The following PPIL6 variants were observed in gnomAD, a reference collection of about 807,000 sequenced individuals.
PPIL6 encodes the protein probable inactive peptidyl-prolyl cis-trans isomerase-like 6.
PPIL6 carries 39 observed loss-of-function variants against 36.8 expected under a neutral mutation model. The ratio of observed to expected loss-of-function variants is 1.06; its 90% confidence interval spans 0.82 to 1.38. The LOEUF (loss-of-function observed/expected upper bound fraction) is 1.38. Among genes scored for constraint, PPIL6 ranks in the 40% most tolerant of loss-of-function variants. PPIL6 has a pLI of 0.00. For missense variants in PPIL6, 368 were observed against 379.1 expected (o/e 0.97, Z 0.24); for synonymous variants, 123 against 134.1 (o/e 0.92, Z 0.57).
intron 3 of PPIL6, 124 bp from the exon 4 acceptor site, chr6:109,427,280 G>T: frequency 3.4e-6 from 2 of 590,062 alleles, no homozygotes; most frequent in Non-Finnish European, 6.0e-6. Context: ...ATTACCAATG[G>T]ATAATATTAC....
chr6:109,438,226 C>T (rs935274990), intron 1 of PPIL6, among the ~76,000 whole-genome samples: 1 of 151,908 alleles, frequency 6.6e-6, no homozygotes, highest in East Asian at 1.9e-4. Context: ...GTTAATCAGG[C>T]ATCTGGGATC....
At chr6:109,438,454 G>C (rs1774580207) in intron 1 of PPIL6, among the ~76,000 whole-genome samples, 1 of 151,842 alleles carries the variant, frequency 6.6e-6, no homozygotes, top group Non-Finnish European at 1.5e-5. Flanking sequence ...TTTCATATTT[G>C]AATATAACTA....
At chr6:109,409,241 A>C (rs1772915715) in intron 6 of PPIL6, among the ~76,000 whole-genome samples, 2 of 152,178 alleles carry the variant, frequency 1.3e-5, no homozygotes, top group African/African-American at 4.8e-5. Flanking sequence ...AGACAAGAGA[A>C]AGAAATAAAG....
intron 6 of PPIL6, among the ~76,000 whole-genome samples, chr6:109,407,958 G>A (rs1041536530): frequency 2.0e-5 from 3 of 152,084 alleles, no homozygotes; most frequent in Non-Finnish European, 2.9e-5. Flanking sequence ...CACACCTGGC[G>A]TACTCCTCAC....
At chr6:109,422,382 A>G (rs1773595801) in intron 5 of PPIL6, among the ~76,000 whole-genome samples, 1 of 152,152 alleles carries the variant, frequency 6.6e-6, no homozygotes, top group Non-Finnish European at 1.5e-5. Context: ...GTTTGAGTCC[A>G]GGAGTTCAGG....
chr6:109,429,905 T>C (rs1774039179), intron 3 of PPIL6, among the ~76,000 whole-genome samples: 1 of 152,196 alleles, frequency 6.6e-6, no homozygotes, highest in Non-Finnish European at 1.5e-5. Flanking sequence ...GCACCAAGAA[T>C]CTTGACTGAA....
chr6:109,425,964 T>G (rs1773796463), intron 5 of PPIL6, among the ~76,000 whole-genome samples: 3 of 152,140 alleles, frequency 2.0e-5, no homozygotes, highest in Non-Finnish European at 4.4e-5. Context: ...ATGCTAAACA[T>G]TTTGTATGTT....
chr6:109,394,439 G>C (rs1772217002), intron 7 of PPIL6, among the ~76,000 whole-genome samples: 1 of 149,336 alleles, frequency 6.7e-6, no homozygotes, highest in Non-Finnish European at 1.5e-5. Context: ...CCATGAGCTA[G>C]AACTTCCTGG....
At position 109,419,240 on chromosome 6, in the gene PPIL6, A is replaced by G. The variant is rs767920318; in HGVS notation, c.635T>C (p.Ile212Thr). 2.0e-6 allele frequency: 3 copies of G among 1,532,662 alleles called. No homozygotes were observed. The highest frequency in any genetic ancestry group is 2.2e-5 in the South Asian group (2 of 88,990). The allele number at this position is 1,532,662 out of a possible 1,614,324, so 94.9% of individuals were successfully genotyped here. Residue 212 changes from isoleucine (I) to threonine (T), a missense_variant, in exon 6 of 8, where the codon ATA becomes ACA. Physicochemically the swap from Ile to Thr is moderately conservative, Grantham distance 89. Coordinates refer to ENST00000521072, the MANE Select transcript of PPIL6 (RefSeq NM_173672.5). Reference protein sequence around the residue: ...VQNGWIQGGDIVYGKGDNGES... With the variant: ...VQNGWIQGGDTVYGKGDNGES... ...TCCATTATCTCCTTTTCCATACACTATATCTGAGAAATAGCAACAAATAAA... is the reference window on the plus strand; with the variant it reads ...TCCATTATCTCCTTTTCCATACACTGTATCTGAGAAATAGCAACAAATAAA...
At chr6:109,427,540 C>T (rs1449010588) in intron 3 of PPIL6, among the ~76,000 whole-genome samples, 1 of 152,062 alleles carries the variant, frequency 6.6e-6, no homozygotes, top group Non-Finnish European at 1.5e-5. Context: ...TGCACCACCA[C>T]CAGGCCCAGC....
At chr6:109,403,885 C>T (rs1370068363) in intron 6 of PPIL6, among the ~76,000 whole-genome samples, 1 of 152,146 alleles carries the variant, frequency 6.6e-6, no homozygotes, top group Non-Finnish European at 1.5e-5. Flanking sequence ...GGAGGAAGGA[C>T]TGGCTGGCTG....
chr6:109,401,974 C>T (rs1239885950), intron 6 of PPIL6, among the ~76,000 whole-genome samples: 1 of 151,994 alleles, frequency 6.6e-6, no homozygotes, highest in African/African-American at 2.4e-5. Context: ...CTACCCGCCT[C>T]GGCCTCCCAA....
intron 6 of PPIL6, among the ~76,000 whole-genome samples, chr6:109,418,545 T>C (rs1180401676): frequency 1.4e-5 from 2 of 147,758 alleles, no homozygotes; most frequent in Non-Finnish European, 2.9e-5. Flanking sequence ...GCAATCTTTT[T>C]TTCTTTTTTT....
At chr6:109,430,993 T>C (rs771319789) in intron 3 of PPIL6, among the ~76,000 whole-genome samples, 164 bp downstream of exon 3, 7 of 152,244 alleles carry the variant, frequency 4.6e-5, no homozygotes, top group Non-Finnish European at 1.0e-4. Context: ...TTGCTTTACA[T>C]ACCACCATAT....
At chr6:109,440,121 A>C (rs1774722695) in intron 1 of PPIL6, 1 of 355,972 alleles carries the variant, frequency 2.8e-6, no homozygotes, top group Admixed American at 4.5e-5. Flanking sequence ...CTAATTAAAG[A>C]AAAAATTGAC....
chr6:109,407,433 G>T (rs557708709), intron 6 of PPIL6, among the ~76,000 whole-genome samples: 45 of 152,144 alleles, frequency 3.0e-4, no homozygotes, highest in African/African-American at 1.1e-3. Context: ...TATAGACGGG[G>T]TTTTGCCGTG....
chr6:109,440,856 G>A (rs936634172), upstream of PPIL6: 4 of 510,370 alleles, frequency 7.8e-6, no homozygotes, highest in Admixed American at 7.8e-5. Context: ...CCTAGCGCGC[G>A]GCCCTTACCG....
chr6:109,403,563 G>C (rs1010777341), intron 6 of PPIL6, among the ~76,000 whole-genome samples: 1 of 152,088 alleles, frequency 6.6e-6, no homozygotes, highest in African/African-American at 2.4e-5. Context: ...TTTCTCCTGA[G>C]TGCTTCTGCC....
chr6:109,420,861 A>C (rs1013838261), intron 5 of PPIL6, among the ~76,000 whole-genome samples: 6 of 152,232 alleles, frequency 3.9e-5, no homozygotes, highest in Non-Finnish European at 8.8e-5. Context: ...TGCAGCATTT[A>C]AATTATACTA....
Sources: gnomAD v4.1 joint callset for allele counts (sites outside exome capture counted in the v4.1 genomes callset) on GRCh38, gnomAD v4.1.1 for gene constraint, MANE v1.5 for transcripts, NCBI Gene and HGNC (gene_info 2026-07-23, HGNC 2026-07-21) for gene names.